TRIM11: variants seen among roughly 807,000 people sequenced by gnomAD.
The protein encoded by TRIM11 is E3 ubiquitin-protein ligase TRIM11.
TRIM11 carries 15 observed loss-of-function variants against 33.4 expected under a neutral mutation model. The ratio of observed to expected loss-of-function variants is 0.45; its 90% confidence interval spans 0.30 to 0.69. The LOEUF is 0.69. Ranked by LOEUF, TRIM11 falls within the 30% of genes least tolerant of loss-of-function variation. The pLI is 0.08. For synonymous variants in TRIM11, 281 were observed against 302.6 expected (o/e 0.93, Z 0.74); for missense variants, 499 against 667.6 (o/e 0.75, Z 2.78).
Position 228,401,510 on chromosome 1 carries a change from T to C in TRIM11, c.505-316A>G, listed in dbSNP as rs1259067462. Reference sequence around the variant, plus strand: ...AGGGCCGACTAGATCCCAAATCCACTATCTAGTCCCTCCCCAACTTCCAAA... The same window carrying C: ...AGGGCCGACTAGATCCCAAATCCACCATCTAGTCCCTCCCCAACTTCCAAA... On this transcript the variant is annotated intron_variant, in intron 2 of 5. Transcript: ENST00000284551. This position sits in a 1 kb window ranked among gnomAD's most constrained non-coding sequence, Gnocchi z 6.1. 1.3e-5 allele frequency among the ~76,000 whole-genome samples: 2 copies of C among 151,950 alleles called. No homozygotes were observed. The highest frequency in any genetic ancestry group is 2.9e-5 in the Non-Finnish European group (2 of 67,974).
chr1:228,402,132 G>A lies in TRIM11; in HGVS notation c.438C>T (p.Leu146=). 1 of 1,613,132 alleles carries A rather than the reference G, an allele frequency of 6.2e-7. No individual in the cohort carries two copies. Among genetic ancestry groups the A allele is most frequent in the Non-Finnish European group, 8.5e-7 (1 of 1,179,528 alleles). Residue 146 remains leucine, a synonymous_variant, in exon 2 of 6, where the codon CTC becomes CTT. Coordinates refer to ENST00000284551, the MANE Select transcript of TRIM11 (RefSeq NM_145214.3). ...GCAACGCATCCTGCATCTGCTTCCG[G>A]AGATGCTCCAGTGACTTCTCCAGCT... ...KAKLEKSLEH[L]RKQMQDALLF...
chr1:228,404,096 C>T (rs577720737), intron 1 of TRIM11: 1 of 152,294 alleles, frequency 6.6e-6, no homozygotes, highest in African/African-American at 2.4e-5. Flanking sequence ...CAGATCAGAA[C>T]AGAAACCTCT....
rs1656311849 is a variant in TRIM11, at chr1:228,403,808, C to T, written c.409-1647G>A. On this transcript the variant is annotated intron_variant, in intron 1 of 5. Transcript: ENST00000284551. The surrounding 1 kb of genome is among the most constrained non-coding windows in gnomAD (Gnocchi z 4.8). The stretch of plus-strand genomic sequence containing the variant: ...TAGCTGGGATTACAGGTGCCCATCA[C>T]CACACCCAGCTAATTTTTGTATTTT... The T allele has an allele frequency of 6.6e-6, 1 of 152,274 alleles. No homozygotes were observed. Among genetic ancestry groups the T allele is most frequent in the Admixed American group, 6.5e-5 (1 of 15,288 alleles). 9.4% of individuals were successfully genotyped at this position (152,274 alleles called of 1,614,324 possible).
At chr1:228,399,877 TACAAAAAAAAAA>T (rs1347527495) in intron 3 of TRIM11, among the ~76,000 whole-genome samples, 303 of 9,732 alleles carry the variant, frequency 0.031, 4 homozygotes, top group African/African-American at 0.066. Flanking sequence ...CCCTTAAATC[TACAAAAAAAAAA>T]ACAAAAAAAA....
At chr1:228,396,742 G>A (rs1269709206) in intron 5 of TRIM11, 5 of 720,080 alleles carry the variant, frequency 6.9e-6, no homozygotes, top group Non-Finnish European at 1.3e-5. Flanking sequence ...TTCGTTTCCA[G>A]AAGTTGAAGA....
rs1385084870 is a variant in TRIM11, at chr1:228,401,853, A to C, written c.504+213T>G. On this transcript the variant is annotated intron_variant, in intron 2 of 5. Transcript: ENST00000284551. This position sits in a 1 kb window ranked among gnomAD's most constrained non-coding sequence, Gnocchi z 6.1. ...TGGGACCCCAGGATGGGGCCCTTGC[A>C]GTATGGGAGCCCACGCCCACGACCT... is the stretch of plus-strand genomic sequence containing the variant. Among the ~76,000 whole-genome samples the C allele has an allele frequency of 6.6e-6, 1 of 152,132 alleles. No homozygotes were observed. The highest frequency in any genetic ancestry group is 1.5e-5 in the Non-Finnish European group (1 of 68,022).
rs1205784703 is a variant in TRIM11, at chr1:228,399,186, C to T, written c.735+1778G>A. ...TGGGTTCCCCTACCCAACCGGGGGC[C>T]AAGGGTGCAAAGCCATCCCCACCTG... On this transcript the variant is annotated intron_variant, in intron 3 of 5. Coordinates refer to ENST00000284551, the MANE Select transcript of TRIM11 (RefSeq NM_145214.3). Among the ~76,000 whole-genome samples the T allele has an allele frequency of 4.6e-5, 7 of 152,208 alleles. No individual in the cohort carries two copies. The East Asian group carries it at 1.2e-3, about 25-fold the overall frequency.
Position 228,406,646 on chromosome 1 carries a change from G to T in TRIM11, c.-85C>A. On this transcript the variant is annotated 5_prime_UTR_variant, in exon 1 of 6. Coordinates refer to ENST00000284551, the MANE Select transcript of TRIM11 (RefSeq NM_145214.3). This position sits in a 1 kb window ranked among gnomAD's most constrained non-coding sequence, Gnocchi z 8.2. ...CAGCTCGCGGGGACGCGGGGTATCC[G>T]GGTGCGGCGGCGCAGGCTCGGGCAC... The T allele has an allele frequency of 7.8e-7, 1 of 1,289,166 alleles. No individual in the cohort carries two copies. Among genetic ancestry groups the T allele is most frequent in the Non-Finnish European group, 9.9e-7 (1 of 1,009,392 alleles). 79.9% of individuals were successfully genotyped at this position (1,289,166 alleles called of 1,614,324 possible).
At position 228,401,304 on chromosome 1, in the gene TRIM11, C is replaced by G. The variant is rs923225117; in HGVS notation, c.505-110G>C. On this transcript the variant is annotated intron_variant, in intron 2 of 5. Transcript: ENST00000284551. The surrounding 1 kb of genome is among the most constrained non-coding windows in gnomAD (Gnocchi z 6.1). ...AGAGGCCTGGCTGCACCCAACCCCA[C>G]CCCCGGGGCCTGCTAAAGCCAAAGC... 6.7e-6 allele frequency: 9 copies of G among 1,337,530 alleles called. No homozygotes were observed. Among genetic ancestry groups the G allele is most frequent in the African/African-American group, 1.5e-5 (1 of 67,748 alleles). 82.9% of individuals were successfully genotyped at this position (1,337,530 alleles called of 1,614,324 possible).
Position 228,406,080 on chromosome 1 carries a change from A to ACCAACC in TRIM11, c.408+73_408+74insGGTTGG. The ACCAACC allele has an allele frequency of 8.1e-5, 104 of 1,277,910 alleles. No homozygotes were observed. Among genetic ancestry groups the ACCAACC allele is most frequent in the Non-Finnish European group, 9.6e-5 (96 of 998,836 alleles). 79.2% of individuals were successfully genotyped at this position (1,277,910 alleles called of 1,614,324 possible). On this transcript the variant is annotated intron_variant, in intron 1 of 5. Coordinates refer to ENST00000284551, the MANE Select transcript of TRIM11 (RefSeq NM_145214.3). This position sits in a 1 kb window ranked among gnomAD's most constrained non-coding sequence, Gnocchi z 8.2. ...GATTACTCCCGGAGCAGTCCCCCAA[A>ACCAACC]CCTCCCACCCGCCCAGGCCTCCCCA... is the stretch of plus-strand genomic sequence containing the variant.
Position 228,394,201 on chromosome 1 carries a change from G to A in TRIM11, c.*504C>T, listed in dbSNP as rs1230870514. Reference sequence around the variant, plus strand: ...GCTGCCTCCTAATTCTTCCAGAGCAGCCACACCCAGGACTGTGACGGGCTC... The same window carrying A: ...GCTGCCTCCTAATTCTTCCAGAGCAACCACACCCAGGACTGTGACGGGCTC... On this transcript the variant is annotated 3_prime_UTR_variant, in exon 6 of 6. Transcript: ENST00000284551. The surrounding 1 kb of genome is among the most constrained non-coding windows in gnomAD (Gnocchi z 6.2). The A allele has an allele frequency of 6.4e-6, 1 of 155,466 alleles. No homozygotes were observed. Among genetic ancestry groups the A allele is most frequent in the Non-Finnish European group, 1.4e-5 (1 of 70,488 alleles). 9.6% of individuals were successfully genotyped at this position (155,466 alleles called of 1,614,324 possible). A position where few individuals can be genotyped will look rare whatever the true frequency, so the allele number is the denominator to read the frequency against.
In TRIM11 at chr1:228,400,204, C is replaced by T. The variant is rs550385136; in HGVS notation, c.735+760G>A. ...AGTCTACACCATGCTGGGCATGGAA[C>T]ACGTTCTCCATTTTGTGGGAAAAAC... On this transcript the variant is annotated intron_variant, in intron 3 of 5. Transcript: ENST00000284551. This position sits in a 1 kb window ranked among gnomAD's most constrained non-coding sequence, Gnocchi z 4.5. Among the ~76,000 whole-genome samples, 135 of 152,386 alleles carry T rather than the reference C, an allele frequency of 8.9e-4. No individual in the cohort carries two copies. The highest frequency in any genetic ancestry group is 3.1e-3 in the African/African-American group (128 of 41,594).
chr1:228,399,916 A>T (rs553545256), intron 3 of TRIM11, among the ~76,000 whole-genome samples: 17 of 152,172 alleles, frequency 1.1e-4, no homozygotes, highest in Admixed American at 2.0e-4. Flanking sequence ...AAAAAACAAA[A>T]AAACAGAAAA....
rs1333036103 is a variant in TRIM11, at chr1:228,395,729, G to A, written c.860-477C>T. ...TTTGTAGAGATGGGAGTCTTGCTAT[G>A]TTTCCCGGGTTGGTCTTGAACTGAT... On this transcript the variant is annotated intron_variant, in intron 5 of 5. Coordinates refer to ENST00000284551, the MANE Select transcript of TRIM11 (RefSeq NM_145214.3). This position sits in a 1 kb window ranked among gnomAD's most constrained non-coding sequence, Gnocchi z 4.8. 6.5e-6 allele frequency: 1 copy of A among 153,046 alleles called. No individual in the cohort carries two copies. Among genetic ancestry groups the A allele is most frequent in the Admixed American group, 6.5e-5 (1 of 15,290 alleles). 9.5% of individuals were successfully genotyped at this position (153,046 alleles called of 1,614,324 possible).
Position 228,401,042 on chromosome 1 carries a change from G to A in TRIM11, c.657C>T (p.Gly219=), listed in dbSNP as rs377497263. 1.2e-5 allele frequency: 19 copies of A among 1,611,830 alleles called. No individual in the cohort carries two copies. The highest frequency in any genetic ancestry group is 1.6e-5 in the Non-Finnish European group (19 of 1,179,346). The change falls in exon 3 of 6, where the codon GGC becomes GGT. Residue 219 remains glycine, a synonymous_variant. Transcript: ENST00000284551. This position sits in a 1 kb window ranked among gnomAD's most constrained non-coding sequence, Gnocchi z 6.1. ...GCTCAGCTAGGTGGGCGCTCTGCTG[G>A]CCTAGGTGGGCTGCGCCCTCCCGCA... is the stretch of plus-strand genomic sequence containing the variant. The part of the protein sequence containing the change: ...PRLREGAAHL[G]QQSAHLAELI...
At chr1:228,396,571 A>C (rs2074988286) in intron 5 of TRIM11, 1 of 647,692 alleles carries the variant, frequency 1.5e-6, no homozygotes, top group African/African-American at 1.8e-5. Context: ...AGAGGCGCTG[A>C]GGGAACAGAA....
rs781227951 is a variant in TRIM11 at position 228,406,535 on chromosome 1, G to T, written c.27C>A (p.Asn9Lys). The change falls in exon 1 of 6, where the codon AAC (asparagine) becomes AAA (lysine). Residue 9 changes from asparagine (N) to lysine (K), a missense_variant. Asn to Lys is a moderately conservative substitution (Grantham distance 94). Coordinates refer to ENST00000284551, the MANE Select transcript of TRIM11 (RefSeq NM_145214.3). The surrounding 1 kb of genome is among the most constrained non-coding windows in gnomAD (Gnocchi z 8.2). ...TGGCGCAGGTGGCCTCCTCCTGGAG[G>T]TTGGTGGACAGGTCGGGGGCGGCCA... is the stretch of plus-strand genomic sequence containing the variant. MAAPDLST[N>K]LQEEATCAIC... 14 of 1,565,420 alleles carry T rather than the reference G, an allele frequency of 8.9e-6. No homozygotes were observed. In the South Asian group the frequency reaches 1.3e-4, roughly 14 times the overall value.
At position 228,394,932 on chromosome 1, in the gene TRIM11, A is replaced by T; in HGVS notation, c.1180T>A (p.Leu394Met). ...GSYYNSSERA[L>M]APLRDPPRRV... ...CTGGGTGGGTCCCGGAGTGGAGCCAAGGCCCGTTCCGAGGAATTGTAATAG... is the reference window on the plus strand; with the variant it reads ...CTGGGTGGGTCCCGGAGTGGAGCCATGGCCCGTTCCGAGGAATTGTAATAG... Residue 394 changes from leucine to methionine, a missense_variant, in exon 6 of 6, where the codon TTG becomes ATG. Leu to Met is a conservative substitution (Grantham distance 15, BLOSUM62 2). Coordinates refer to ENST00000284551, the MANE Select transcript of TRIM11 (RefSeq NM_145214.3). The surrounding 1 kb of genome is among the most constrained non-coding windows in gnomAD (Gnocchi z 6.2). 1 of 1,614,136 alleles carries T rather than the reference A, an allele frequency of 6.2e-7. No homozygotes were observed. Among genetic ancestry groups the T allele is most frequent in the Non-Finnish European group, 8.5e-7 (1 of 1,180,006 alleles).
Position 228,406,708 on chromosome 1 carries a change from G to T in TRIM11, c.-147C>A. The T allele has an allele frequency of 2.7e-6, 2 of 731,206 alleles. No homozygotes were observed. Among genetic ancestry groups the T allele is most frequent in the Non-Finnish European group, 3.8e-6 (2 of 526,038 alleles). 45.3% of individuals were successfully genotyped at this position (731,206 alleles called of 1,614,324 possible). A position where few individuals can be genotyped will look rare whatever the true frequency, so the allele number is the denominator to read the frequency against. ...AGGCTCGGGACTCCCGGGTGCTCGG[G>T]CTCCGGGGCGCGGGGACTCCAGGGC... On this transcript the variant is annotated 5_prime_UTR_variant, in exon 1 of 6. Coordinates refer to ENST00000284551, the MANE Select transcript of TRIM11 (RefSeq NM_145214.3). The surrounding 1 kb of genome is among the most constrained non-coding windows in gnomAD (Gnocchi z 8.2).
Sources: allele counts gnomAD v4.1 joint callset (sites outside exome capture counted in the v4.1 genomes callset), GRCh38; gene constraint gnomAD v4.1.1; non-coding constraint Gnocchi (gnomAD v3.1); transcripts MANE v1.5; gene names NCBI Gene and HGNC (gene_info 2026-07-23, HGNC 2026-07-21).